FN1: variants seen among roughly 807,000 people sequenced by gnomAD.
FN1 encodes the protein fibronectin 1, also known as fibronectin.
In FN1, 106 loss-of-function variants were observed where a neutral mutation model predicts 297.3. The ratio of observed to expected loss-of-function variants is 0.36; its 90% CI spans 0.30 to 0.42. FN1 has a LOEUF of 0.42. Ranked by LOEUF, FN1 falls within the 10% of genes least tolerant of loss-of-function variation. The pLI is 1.00. For missense variants in FN1, 2,690 were observed against 3,124.9 expected, an observed-to-expected ratio of 0.86 and a Z score of 3.32; for synonymous variants, 1,149 against 1,152.6, an observed-to-expected ratio of 1.00 and a Z score of 0.06.
At position 215,379,179 on chromosome 2, in the gene FN1, T is replaced by G; in HGVS notation, c.5573A>C (p.Glu1858Ala). 1 of 1,614,132 alleles carries G rather than the reference T, an allele frequency of 6.2e-7. No homozygotes were observed. The highest frequency in any genetic ancestry group is 8.5e-7 in the Non-Finnish European group (1 of 1,180,010). ...TGAGCTGTCAGGAGCAAGGTTGATTTCTTTCATTGGTCCGGTCTTCTCCTT... is the reference window on the plus strand; with the variant it reads ...TGAGCTGTCAGGAGCAAGGTTGATTGCTTTCATTGGTCCGGTCTTCTCCTT... ...TPKEKTGPMK[E>A]INLAPDSSSV... Residue 1858 changes from glutamate to alanine, a missense_variant, in exon 34 of 46, where the codon GAA becomes GCA. Coordinates refer to ENST00000354785, the MANE Select transcript of FN1 (RefSeq NM_212482.4).
intron 35 of FN1, among the ~76,000 whole-genome samples, chr2:215,377,247 A>G (rs552553539): frequency 5.3e-5 from 8 of 152,326 alleles, no homozygotes; most frequent in African/African-American, 1.9e-4. Context: ...ACAGAAGACT[A>G]GAATCTAAGC....
At chr2:215,407,386 T>G in intron 17 of FN1, 65 bp from the exon 18 acceptor site, 2 of 1,304,872 alleles carry the variant, frequency 1.5e-6, no homozygotes, top group Non-Finnish European at 2.2e-6. Context: ...AGAAACACCA[T>G]AAATCCTCCC....
rs367632396 is a variant in FN1, at chr2:215,375,176, T to C, written c.6157+38A>G. On this transcript the variant is annotated intron_variant, in intron 38 of 45. Coordinates refer to ENST00000354785, the MANE Select transcript of FN1 (RefSeq NM_212482.4). ...TGCTAAGGACTTCATGTGTCCTAGG[T>C]AGTAAGAAGGAAAATGACAGCATGG... 4.4e-4 allele frequency: 709 copies of C among 1,595,158 alleles called. 1 individual carries two copies. Among genetic ancestry groups the C allele is most frequent in the Non-Finnish European group, 5.9e-4 (690 of 1,162,978 alleles).
chr2:215,421,428 C>G (rs552396628), intron 10 of FN1, among the ~76,000 whole-genome samples: 5 of 152,264 alleles, frequency 3.3e-5, no homozygotes, highest in African/African-American at 9.6e-5. Flanking sequence ...TCTTTCAGTT[C>G]TGCAACACCA....
In FN1 at chr2:215,364,976, G is replaced by T. The variant is rs747253191; in HGVS notation, c.7154C>A (p.Thr2385Lys). The T allele has an allele frequency of 6.4e-7, 1 of 1,571,946 alleles. No homozygotes were observed. Among genetic ancestry groups the T allele is most frequent in the Non-Finnish European group, 8.6e-7 (1 of 1,156,604 alleles). Residue 2385 changes from threonine to lysine, a missense_variant, in exon 44 of 46, where the codon ACG becomes AAG. Physicochemically the swap from Thr to Lys is moderately conservative, Grantham distance 78. Transcript: ENST00000354785. ...GTATGTCTTCCCATCATCATAACACGTTGCCTCATCTGCATATAGACACAA... is the reference window on the plus strand; with the variant it reads ...GTATGTCTTCCCATCATCATAACACTTTGCCTCATCTGCATATAGACACAA... ...GEFKCDPHEATCYDDGKTYHV... is the reference protein window; with the variant it reads ...GEFKCDPHEAKCYDDGKTYHV...
chr2:215,395,273 T>G (rs1173531941), intron 23 of FN1, among the ~76,000 whole-genome samples: 1 of 152,154 alleles, frequency 6.6e-6, no homozygotes, highest in African/African-American at 2.4e-5. Flanking sequence ...GTGCTGATAC[T>G]TATTCTAGAA....
intron 4 of FN1, 102 bp from the exon 5 acceptor site, chr2:215,430,954 A>AT (rs2066408409): frequency 6.2e-5 from 79 of 1,266,258 alleles, no homozygotes; most frequent in South Asian, 1.4e-4. Flanking sequence ...ATTCAGCCAC[A>AT]TTTTTTTTAA....
intron 12 of FN1, among the ~76,000 whole-genome samples, chr2:215,417,371 T>G (rs925472480): frequency 6.6e-6 from 1 of 152,232 alleles, no homozygotes; most frequent in African/African-American, 2.4e-5. Flanking sequence ...AAATGAATAA[T>G]TTCCAATAGT....
Position 215,435,959 on chromosome 2 carries a change from A to T in FN1, c.-157T>A. 1 of 1,408,424 alleles carries T rather than the reference A, an allele frequency of 7.1e-7. No homozygotes were observed. The highest frequency in any genetic ancestry group is 1.5e-5 in the South Asian group (1 of 66,828). The allele number at this position is 1,408,424 out of a possible 1,614,324, so 87.2% of individuals were successfully genotyped here. A position where few individuals can be genotyped will look rare whatever the true frequency, so the allele number is the denominator to read the frequency against. ...AGAGGGTGGGGAAGGGGACGGGTGG[A>T]GGGACAGAAGGGATGCAGAGGACCA... On this transcript the variant is annotated 5_prime_UTR_variant, in exon 1 of 46. Transcript: ENST00000354785.
At chr2:215,376,379 G>T (rs906275550) in intron 36 of FN1, 119 bp downstream of exon 36, 33 of 912,418 alleles carry the variant, frequency 3.6e-5, no homozygotes, top group Non-Finnish European at 5.6e-5. Context: ...TCTAAAACTG[G>T]GTTATGATGA....
In FN1 at chr2:215,404,670, G is replaced by GA. The variant is rs1157007390; in HGVS notation, c.2987-16dup. ...AGCATCCAGTTCTAGGAAAAAAGAT[G>GA]AAACATGCCAAGAAATATTTAGATC... On this transcript the variant is annotated splice_polypyrimidine_tract_variant and intron_variant, in intron 19 of 45. Coordinates refer to ENST00000354785, the MANE Select transcript of FN1 (RefSeq NM_212482.4). 2 of 1,609,870 alleles carry GA rather than the reference G, an allele frequency of 1.2e-6. No homozygotes were observed. The highest frequency in any genetic ancestry group is 4.5e-5 in the East Asian group (2 of 44,866).
chr2:215,426,143 C>CTTTTTTTTTTT (rs58002948), intron 6 of FN1, among the ~76,000 whole-genome samples: 56 of 101,026 alleles, frequency 5.5e-4, no homozygotes, highest in Non-Finnish European at 8.9e-4. Flanking sequence ...TTTCTTTTTT[C>CTTTTTTTTTTT]TTTTTTTTTT....
chr2:215,369,939 A>T (rs538908840), intron 41 of FN1, among the ~76,000 whole-genome samples: 1 of 152,308 alleles, frequency 6.6e-6, no homozygotes, highest in Admixed American at 6.5e-5. Flanking sequence ...GGTGAGATGG[A>T]GAGGGTCTGG....
chr2:215,410,171 A>T (rs1237978728), intron 13 of FN1, 57 bp from the exon 14 acceptor site: 1 of 1,507,598 alleles, frequency 6.6e-7, no homozygotes, highest in African/African-American at 1.4e-5. Context: ...AAGGATGAAC[A>T]TTTGAAGATG....
Position 215,372,047 on chromosome 2 carries a change from G to T in FN1, c.6576C>A (p.His2192Gln). The change falls in exon 40 of 46, where the codon CAC (histidine) becomes CAA (glutamine). Residue 2192 changes from histidine (H) to glutamine (Q), a missense_variant. Transcript: ENST00000354785. ...AGGCATTTGGATTGAGTCCCGGACC[G>T]TGTGGGTACAGGTGATAGTCTACAT... Reference protein sequence around the residue: ...REDVDYHLYPHGPGLNPNAST... With the variant: ...REDVDYHLYPQGPGLNPNAST... The T allele has an allele frequency of 1.2e-6, 2 of 1,614,204 alleles. No individual in the cohort carries two copies. The highest frequency in any genetic ancestry group is 1.7e-6 in the Non-Finnish European group (2 of 1,180,038).
Position 215,404,406 on chromosome 2 carries a change from G to A in FN1, c.3236C>T (p.Thr1079Ile). The A allele has an allele frequency of 1.2e-6, 2 of 1,613,916 alleles. No individual in the cohort carries two copies. Among genetic ancestry groups the A allele is most frequent in the East Asian group, 2.2e-5 (1 of 44,884 alleles). Residue 1079 changes from threonine to isoleucine, a missense_variant, in exon 20 of 46, where the codon ACT (threonine) becomes ATT (isoleucine). Physicochemically the swap from Thr to Ile is moderately conservative, Grantham distance 89. This residue lies in a region of FN1 where 1,743 missense variants were observed against 1,945.2 expected (regional missense o/e 0.90). Coordinates refer to ENST00000354785, the MANE Select transcript of FN1 (RefSeq NM_212482.4). ...CAGCTTACGTGTGGTAAAGACTCCA[G>A]TGGCTTTGGGGCTCTCTTGGTTGCC... ...IKGNQESPKA[T>I]GVFTTLQPGS...
At chr2:215,421,742 T>C (rs1350740941) in intron 10 of FN1, among the ~76,000 whole-genome samples, 1 of 152,266 alleles carries the variant, frequency 6.6e-6, no homozygotes, top group Non-Finnish European at 1.5e-5. Flanking sequence ...AAGGTCTTCA[T>C]TTCTTTACAG....
At chr2:215,370,667 G>T (rs988126416) in intron 40 of FN1, 1 of 513,428 alleles carries the variant, frequency 1.9e-6, no homozygotes, top group Non-Finnish European at 3.5e-6. Flanking sequence ...ATCTACCTAC[G>T]TGCTCCGTAG....
rs201079072 is a variant in FN1, at chr2:215,425,242, C to T, written c.888G>A (p.Pro296=). The T allele has an allele frequency of 6.8e-6, 11 of 1,614,046 alleles. No homozygotes were observed. Among genetic ancestry groups the T allele is most frequent in the South Asian group, 3.3e-5 (3 of 91,078 alleles). The change falls in exon 7 of 46, where the codon CCG becomes CCA. Residue 296 remains proline (P), a synonymous_variant. Coordinates refer to ENST00000354785, the MANE Select transcript of FN1 (RefSeq NM_212482.4). ...FTDVRAAVYQ[P]QPHPQPPPYG... ...AGGGAGGAGGCTGGGGGTGAGGCTGCGGTTGGTAAACAGCTGCACGAACAT... is the reference window on the plus strand; with the variant it reads ...AGGGAGGAGGCTGGGGGTGAGGCTGTGGTTGGTAAACAGCTGCACGAACAT...
Sources: allele counts gnomAD v4.1 joint callset (sites outside exome capture counted in the v4.1 genomes callset), GRCh38; gene constraint gnomAD v4.1.1; regional missense constraint gnomAD v4.1.1; transcripts MANE v1.5; gene names NCBI Gene and HGNC (gene_info 2026-07-23, HGNC 2026-07-21).